CCNB1: variants seen among roughly 807,000 people sequenced by gnomAD.
CCNB1 encodes G2/mitotic-specific cyclin-B1.
CCNB1 carries 26 observed loss-of-function variants against 44.4 expected under a neutral mutation model. The ratio of observed to expected loss-of-function variants is 0.59; its 90% confidence interval spans 0.43 to 0.81. The LOEUF is 0.81. CCNB1 is among the 40% of genes least tolerant of loss of function. CCNB1 has a pLI of 0.00. For missense variants in CCNB1, 477 were observed against 520.9 expected, an observed-to-expected ratio of 0.92 and a Z score of 0.82; for synonymous variants, 195 against 181.4, an observed-to-expected ratio of 1.08 and a Z score of -0.60.
chr5:69,169,991 T>G lies in CCNB1; in HGVS notation c.364-1279T>G, dbSNP rs185098631. Among the ~76,000 whole-genome samples, 333 of 146,152 alleles carry G rather than the reference T, an allele frequency of 2.3e-3. 6 individuals are homozygous for G. The highest frequency in any genetic ancestry group is 0.022 in the Admixed American group (319 of 14,300). ...TTATTTTTTTTTTCCCAAGACAGAGTCTTGCTCTGTCACCCAGGCTGGAGC... is the reference window on the plus strand; with the variant it reads ...TTATTTTTTTTTTCCCAAGACAGAGGCTTGCTCTGTCACCCAGGCTGGAGC... On this transcript the variant is annotated intron_variant, in intron 3 of 8. Coordinates refer to ENST00000256442, the MANE Select transcript of CCNB1 (RefSeq NM_031966.4).
At chr5:69,173,236 T>G (rs1747503503) in intron 4 of CCNB1, among the ~76,000 whole-genome samples, 1 of 152,088 alleles carries the variant, frequency 6.6e-6, no homozygotes, top group South Asian at 2.1e-4. Flanking sequence ...CAGACATAAG[T>G]ATGGTCTTTG....
Position 69,172,691 on chromosome 5 carries a change from TTTC to T in CCNB1, c.546+1246_546+1248del, listed in dbSNP as rs376020104. Among the ~76,000 whole-genome samples the T allele has an allele frequency of 2.1e-3, 314 of 152,232 alleles. 1 individual carries two copies. The highest frequency in any genetic ancestry group is 7.1e-3 in the African/African-American group (293 of 41,540). On this transcript the variant is annotated intron_variant, in intron 4 of 8. Transcript: ENST00000256442. Reference sequence around the variant, plus strand: ...GCCAGGAGCAGCCTTCTGCTTTTAGTTTCTTCTTCCATCTTTCTAGTGCTTTTT... The same window carrying T: ...GCCAGGAGCAGCCTTCTGCTTTTAGTTTCTTCCATCTTTCTAGTGCTTTTT...
intron 4 of CCNB1, 97 bp from the exon 5 acceptor site, chr5:69,174,154 T>C: frequency 1.1e-6 from 1 of 946,806 alleles, no homozygotes; most frequent in Non-Finnish European, 1.6e-6. Flanking sequence ...AGATTATAAA[T>C]GCCCCAGTGC....
rs553366898 is a variant in CCNB1, at chr5:69,176,932, C to T, written c.1084-307C>T. 119 of 188,182 alleles carry T rather than the reference C, an allele frequency of 6.3e-4. 1 individual carries two copies. The highest frequency in any genetic ancestry group is 2.4e-4 in the Non-Finnish European group (22 of 90,968). The allele number at this position is 188,182 out of a possible 1,614,324, so 11.7% of individuals were successfully genotyped here. A position where few individuals can be genotyped will look rare whatever the true frequency, so the allele number is the denominator to read the frequency against. On this transcript the variant is annotated intron_variant, in intron 7 of 8. Coordinates refer to ENST00000256442, the MANE Select transcript of CCNB1 (RefSeq NM_031966.4). ...GGCGGAGGTTGCAGTGAGCCGAGAT[C>T]ATACCATGCACTCCAGCCTGGAGCG...
At chr5:69,175,278 C>T in intron 6 of CCNB1, 119 bp from the exon 7 acceptor site, 2 of 1,068,906 alleles carry the variant, frequency 1.9e-6, no homozygotes, top group East Asian at 2.3e-5. Context: ...TTAGGACTTT[C>T]CATGGGCATT....
chr5:69,173,775 T>C (rs1747516146), intron 4 of CCNB1, among the ~76,000 whole-genome samples: 1 of 152,220 alleles, frequency 6.6e-6, no homozygotes, highest in Non-Finnish European at 1.5e-5. Context: ...TTTTTTCTTT[T>C]TTTTTTGGGG....
At chr5:69,174,161 GT>G (rs1218340995) in intron 4 of CCNB1, 89 bp from the exon 5 acceptor site, 3 of 1,081,940 alleles carry the variant, frequency 2.8e-6, no homozygotes, top group Non-Finnish European at 4.1e-6. Context: ...AAATGCCCCA[GT>G]GCTACTGTAG....
rs773286509 is a variant in CCNB1 at position 69,175,494 on chromosome 5, G to A, written c.1040G>A (p.Gly347Glu). Residue 347 changes from glycine (G) to glutamate (E), a missense_variant, in exon 7 of 9, where the codon GGA becomes GAA. Gly to Glu is a moderately conservative substitution (Grantham distance 98, BLOSUM62 -2). Transcript: ENST00000256442. ...VHFPPSQIAAGAFCLALKILD... is the reference protein window; with the variant it reads ...VHFPPSQIAAEAFCLALKILD... ...TTTCCTCCTTCTCAAATTGCAGCAGGAGCTTTTTGCTTAGCACTGAAAATT... is the reference window on the plus strand; with the variant it reads ...TTTCCTCCTTCTCAAATTGCAGCAGAAGCTTTTTGCTTAGCACTGAAAATT... 1 of 1,614,170 alleles carries A rather than the reference G, an allele frequency of 6.2e-7. No homozygotes were observed. The highest frequency in any genetic ancestry group is 8.5e-7 in the Non-Finnish European group (1 of 1,180,016).
At chr5:69,171,191 G>C (rs1220728530) in intron 3 of CCNB1, 79 bp from the exon 4 acceptor site, 1 of 994,266 alleles carries the variant, frequency 1.0e-6, no homozygotes, top group Non-Finnish European at 1.5e-6. Context: ...GCTTGAGTTG[G>C]TACCAATAAC....
In CCNB1 at chr5:69,175,492, A is replaced by C. The variant is rs1442303115; in HGVS notation, c.1038A>C (p.Ala346=). Residue 346 remains alanine (A), a synonymous_variant, in exon 7 of 9, where the codon GCA becomes GCC. Coordinates refer to ENST00000256442, the MANE Select transcript of CCNB1 (RefSeq NM_031966.4). The part of the protein sequence containing the change: ...MVHFPPSQIA[A]GAFCLALKIL... ...ACTTTCCTCCTTCTCAAATTGCAGC[A>C]GGAGCTTTTTGCTTAGCACTGAAAA... 6.2e-7 allele frequency: 1 copy of C among 1,614,098 alleles called. No individual in the cohort carries two copies. The highest frequency in any genetic ancestry group is 8.5e-7 in the Non-Finnish European group (1 of 1,180,030).
intron 3 of CCNB1, among the ~76,000 whole-genome samples, chr5:69,170,689 A>G (rs1348883251): frequency 1.3e-5 from 2 of 151,688 alleles, no homozygotes; most frequent in African/African-American, 4.8e-5. Flanking sequence ...AGAATGGCGC[A>G]ATCATAGCTC....
At chr5:69,175,652 G>A (rs570439219) in intron 7 of CCNB1, 115 bp downstream of exon 7, 4 of 955,376 alleles carry the variant, frequency 4.2e-6, no homozygotes, top group East Asian at 5.0e-5. Flanking sequence ...ATCTACTGAA[G>A]GAATAGTTAA....
At chr5:69,177,202 T>C in intron 7 of CCNB1, 37 bp from the exon 8 acceptor site, 1 of 1,163,628 alleles carries the variant, frequency 8.6e-7, no homozygotes. Context: ...AAATCATTAT[T>C]GATTTGAGCA....
intron 1 of CCNB1, 169 bp downstream of exon 1, chr5:69,167,452 G>A: frequency 1.5e-6 from 1 of 645,990 alleles, no homozygotes; most frequent in Non-Finnish European, 2.7e-6. Context: ...GGCCTGGTGA[G>A]AGAGTGTGGG....
Position 69,174,701 on chromosome 5 carries a change from C to T in CCNB1, c.706-176C>T, listed in dbSNP as rs1380118509. ...TTGCACTCCAGCCTGGGTGACAGAGCGAGACTCAAAAAAAAAAGAAAGAAA... is the reference window on the plus strand; with the variant it reads ...TTGCACTCCAGCCTGGGTGACAGAGTGAGACTCAAAAAAAAAAGAAAGAAA... On this transcript the variant is annotated intron_variant, in intron 5 of 8. Transcript: ENST00000256442. Among the ~76,000 whole-genome samples, 4 of 151,322 alleles carry T rather than the reference C, an allele frequency of 2.6e-5. No homozygotes were observed. The East Asian group carries it at 5.8e-4, about 22-fold the overall frequency.
In CCNB1 at chr5:69,167,179, T is replaced by TC; in HGVS notation, c.-83dup. 2.5e-6 allele frequency: 3 copies of TC among 1,221,706 alleles called. No homozygotes were observed. The highest frequency in any genetic ancestry group is 3.4e-6 in the Non-Finnish European group (3 of 886,262). The allele number at this position is 1,221,706 out of a possible 1,614,324, so 75.7% of individuals were successfully genotyped here. ...TGCTGCGGCGGAACGGCTGTTGGTT[T>TC]CTGCTGGGTGTAGGTCCTTGGCTGG... On this transcript the variant is annotated 5_prime_UTR_variant, in exon 1 of 9. Transcript: ENST00000256442.
chr5:69,168,450 T>G (rs1747389485), intron 3 of CCNB1, 107 bp downstream of exon 3: 10 of 1,347,020 alleles, frequency 7.4e-6, no homozygotes, highest in Admixed American at 3.7e-5. Context: ...TACCATTTAT[T>G]GAGTGCTTAG....
At position 69,168,090 on chromosome 5, in the gene CCNB1, C is replaced by T. The variant is rs552306325; in HGVS notation, c.192+12C>T. ...TGCCTATGAAGAAGGTAACTCTCTT[C>T]CTGACCTAACTTCTGTAAGAGCCCG... On this transcript the variant is annotated intron_variant, in intron 2 of 8. Coordinates refer to ENST00000256442, the MANE Select transcript of CCNB1 (RefSeq NM_031966.4). The T allele has an allele frequency of 8.1e-6, 13 of 1,612,476 alleles. No homozygotes were observed. In the South Asian group the frequency reaches 1.3e-4, roughly 16 times the overall value.
At chr5:69,172,866 C>A (rs536646226) in intron 4 of CCNB1, among the ~76,000 whole-genome samples, 2 of 150,502 alleles carry the variant, frequency 1.3e-5, no homozygotes, top group African/African-American at 4.9e-5. Flanking sequence ...CTCTGTCTCC[C>A]GGGTTCACGC....
Sources: allele counts gnomAD v4.1 joint callset (sites outside exome capture counted in the v4.1 genomes callset), GRCh38; gene constraint gnomAD v4.1.1; transcripts MANE v1.5; gene names NCBI Gene and HGNC (gene_info 2026-07-23, HGNC 2026-07-21).